The following CENPT variants were observed in gnomAD, a reference collection of about 807,000 sequenced individuals.
The protein encoded by CENPT is interphase centromere complex protein 22.
A neutral mutation model predicts 59.7 loss-of-function variants in CENPT; 42 were observed. That is an observed-to-expected ratio of 0.70 (90% CI 0.55 to 0.91). The LOEUF is 0.91. Ranked by LOEUF, CENPT falls within the 40% of genes least tolerant of loss-of-function variation. The pLI is 0.00. For synonymous variants in CENPT, 295 were observed against 289.6 expected, an observed-to-expected ratio of 1.02 and a Z score of -0.19; for missense variants, 716 against 713.4, an observed-to-expected ratio of 1.00 and a Z score of -0.04.
At position 67,847,449 on chromosome 16, in the gene CENPT, C is replaced by T. The variant is rs1157684292; in HGVS notation, c.-540G>A. ...AGCGCCACCCGGCCCGCTCCAGAGT[C>T]AGCATGGGTAAGGGCGCCCGCCTGC... On this transcript the variant is annotated 5_prime_UTR_variant, in exon 1 of 16. Coordinates refer to ENST00000562787, the MANE Select transcript of CENPT (RefSeq NM_025082.4). 2 of 152,346 alleles carry T rather than the reference C, an allele frequency of 1.3e-5. No individual in the cohort carries two copies. Among genetic ancestry groups the T allele is most frequent in the Admixed American group, 6.5e-5 (1 of 15,290 alleles). The allele number at this position is 152,346 out of a possible 1,614,324, so 9.4% of individuals were successfully genotyped here.
intron 1 of CENPT, among the ~76,000 whole-genome samples, chr16:67,844,642 G>C (rs1021730422): frequency 4.6e-5 from 7 of 152,198 alleles, no homozygotes. Context: ...GAGCTAGCCA[G>C]GGCTGCTTCA....
Position 67,831,719 on chromosome 16 carries a change from G to A in CENPT, c.523+35C>T, listed in dbSNP as rs375155332. The A allele has an allele frequency of 4.1e-5, 65 of 1,587,328 alleles. 1 individual carries two copies. In the South Asian group the frequency reaches 7.1e-4, roughly 17 times the overall value. The stretch of plus-strand genomic sequence containing the variant: ...CCTCAGCCTCTCCAGAGGACAGGAG[G>A]GAGAGGGTAGCAAAAGTGGTGTCCA... On this transcript the variant is annotated intron_variant, in intron 8 of 15. Transcript: ENST00000562787.
At chr16:67,836,064 GTTTT>G in intron 1 of CENPT, among the ~76,000 whole-genome samples, 1 of 146,564 alleles carries the variant, frequency 6.8e-6, no homozygotes, top group Non-Finnish European at 1.5e-5. Flanking sequence ...TTTTGTTTTT[GTTTT>G]TTGTTTTTTG....
rs1378613103 is a variant in CENPT, at chr16:67,842,938, G to A, written c.-492+4463C>T. On this transcript the variant is annotated intron_variant, in intron 1 of 15. Transcript: ENST00000562787. The surrounding 1 kb of genome is among the most constrained non-coding windows in gnomAD (Gnocchi z 4.9). ...AGCAGCAACAGCAGCAGCAGCAGCA[G>A]CAGCAGCAGCAGTCCTCACCCTCTG... 21 of 1,607,648 alleles carry A rather than the reference G, an allele frequency of 1.3e-5. No homozygotes were observed. Among genetic ancestry groups the A allele is most frequent in the Non-Finnish European group, 1.8e-5 (21 of 1,177,746 alleles).
Position 67,843,390 on chromosome 16 carries a change from A to G in CENPT, c.-492+4011T>C. ...ATGGAAGTGAAGATGAAAGAGATGA[A>G]AGGCAGCATTCGCCACCTGCGTCTC... is the stretch of plus-strand genomic sequence containing the variant. On this transcript the variant is annotated intron_variant, in intron 1 of 15. Transcript: ENST00000562787. This position sits in a 1 kb window ranked among gnomAD's most constrained non-coding sequence, Gnocchi z 5.7. The G allele has an allele frequency of 6.2e-7, 1 of 1,614,032 alleles. No individual in the cohort carries two copies. Among genetic ancestry groups the G allele is most frequent in the Non-Finnish European group, 8.5e-7 (1 of 1,180,036 alleles).
rs776907547 is a variant in CENPT, at chr16:67,828,702, G to A, written c.1422C>T (p.Pro474=). The change falls in exon 14 of 16, where the codon CCC becomes CCT. Residue 474 remains proline, a synonymous_variant. Transcript: ENST00000562787. ...CCATCTCAAGAGCCTTCCTCTCCAT[G>A]GGCATCTTGGCATAGAAGCTAAAGA... ...VKLFSFYAKM[P]MERKALEMVE... 6.2e-7 allele frequency: 1 copy of A among 1,614,132 alleles called. No individual in the cohort carries two copies. The highest frequency in any genetic ancestry group is 8.5e-7 in the Non-Finnish European group (1 of 1,180,036).
intron 1 of CENPT, among the ~76,000 whole-genome samples, chr16:67,836,023 G>C (rs1396391618): frequency 6.6e-6 from 1 of 151,772 alleles, no homozygotes; most frequent in African/African-American, 2.4e-5. Context: ...GATTACAGGC[G>C]TGAGCCATGG....
At chr16:67,832,827 G>A (rs1459831416) in intron 4 of CENPT, among the ~76,000 whole-genome samples, 1 of 152,142 alleles carries the variant, frequency 6.6e-6, no homozygotes, top group Non-Finnish European at 1.5e-5. Flanking sequence ...GAATCACAAA[G>A]GATAAGTAGG....
chr16:67,844,174 T>A (rs1951069523), intron 1 of CENPT: 1 of 166,694 alleles, frequency 6.0e-6, no homozygotes, highest in African/African-American at 2.4e-5. Flanking sequence ...CAAAACAAAT[T>A]AAACAAAAAG....
chr16:67,830,558 G>A lies in CENPT; in HGVS notation c.704-10C>T, dbSNP rs1244212615. On this transcript the variant is annotated splice_polypyrimidine_tract_variant and intron_variant, in intron 10 of 15. Transcript: ENST00000562787. ...TCCTCCAACACAATGTCTGTGGGCA[G>A]AGTAGTAACAGGTTCTGAGGCTGTC... 9.9e-6 allele frequency: 16 copies of A among 1,613,244 alleles called. No individual in the cohort carries two copies. The Admixed American group carries it at 2.7e-4, about 27-fold the overall frequency.
rs61744532 is a variant in CENPT at position 67,829,810 on chromosome 16, C to T, written c.1141G>A (p.Gly381Arg). ...TCATCCCCTGAAGATGCTCCTGGCC[C>T]GTCAGCCTCAGCAGTCCCCTGGGAT... is the stretch of plus-strand genomic sequence containing the variant. ...EGSQGTAEAD[G>R]PGASSGDEDA... The change falls in exon 12 of 16, where the codon GGG becomes AGG. Residue 381 changes from glycine (G) to arginine (R), a missense_variant. Transcript: ENST00000562787. 2,452 of 1,614,220 alleles carry T rather than the reference C, an allele frequency of 1.5e-3. 4 individuals are homozygous for T. The highest frequency in any genetic ancestry group is 1.9e-3 in the Non-Finnish European group (2,240 of 1,180,024).
chr16:67,832,656 G>A (rs1232645709), intron 4 of CENPT, 111 bp from the exon 5 acceptor site: 3 of 937,906 alleles, frequency 3.2e-6, no homozygotes, highest in Non-Finnish European at 4.8e-6. Context: ...CTCAGGGCTA[G>A]GGACCCAGAA....
At chr16:67,831,008 G>A in intron 10 of CENPT, 1 of 673,026 alleles carries the variant, frequency 1.5e-6, no homozygotes, top group Non-Finnish European at 2.5e-6. Flanking sequence ...ATAGTCTAAG[G>A]ATATGGGGCC....
rs1166660790 is a variant in CENPT at position 67,833,863 on chromosome 16, C to T, written c.-4G>A. On this transcript the variant is annotated 5_prime_UTR_variant, in exon 4 of 16. Coordinates refer to ENST00000562787, the MANE Select transcript of CENPT (RefSeq NM_025082.4). Reference sequence around the variant, plus strand: ...TGTCAGGGTTGTGGTCAGCCATCGTCTCGGCCCCGGGCCCTCCTAACCGCC... The same window carrying T: ...TGTCAGGGTTGTGGTCAGCCATCGTTTCGGCCCCGGGCCCTCCTAACCGCC... 1 of 1,525,700 alleles carries T rather than the reference C, an allele frequency of 6.6e-7. No individual in the cohort carries two copies. The highest frequency in any genetic ancestry group is 8.8e-7 in the Non-Finnish European group (1 of 1,139,660). 94.5% of individuals were successfully genotyped at this position (1,525,700 alleles called of 1,614,324 possible). A position where few individuals can be genotyped will look rare whatever the true frequency, so the allele number is the denominator to read the frequency against.
rs28434205 is a variant in CENPT at position 67,842,902 on chromosome 16, A to C, written c.-492+4499T>G. 15 of 1,583,074 alleles carry C rather than the reference A, an allele frequency of 9.5e-6. No homozygotes were observed. The highest frequency in any genetic ancestry group is 1.2e-5 in the Non-Finnish European group (14 of 1,165,848). ...AGCAGCAGCAGCAGCAACAGCAGCA[A>C]CAGCAGCAGCAGCAGCAACAGCAGC... On this transcript the variant is annotated intron_variant, in intron 1 of 15. Transcript: ENST00000562787. This position sits in a 1 kb window ranked among gnomAD's most constrained non-coding sequence, Gnocchi z 4.9.
Position 67,843,617 on chromosome 16 carries a change from G to A in CENPT, c.-492+3784C>T. The A allele has an allele frequency of 9.5e-7, 1 of 1,054,132 alleles. No homozygotes were observed. 65.3% of individuals were successfully genotyped at this position (1,054,132 alleles called of 1,614,324 possible). A position where few individuals can be genotyped will look rare whatever the true frequency, so the allele number is the denominator to read the frequency against. ...GTTGACAGTACTGAGGCTTAAGGCA[G>A]CTGGACTCTCTTGCTGGTGACCTGG... On this transcript the variant is annotated intron_variant, in intron 1 of 15. Coordinates refer to ENST00000562787, the MANE Select transcript of CENPT (RefSeq NM_025082.4). The surrounding 1 kb of genome is among the most constrained non-coding windows in gnomAD (Gnocchi z 5.7).
chr16:67,829,314 C>G, intron 13 of CENPT, 109 bp downstream of exon 13: 2 of 872,102 alleles, frequency 2.3e-6, no homozygotes, highest in Non-Finnish European at 3.4e-6. Flanking sequence ...AGCTGCCCTG[C>G]TGGGTAATCA....
In CENPT at chr16:67,832,048, G is replaced by T; in HGVS notation, c.350C>A (p.Ala117Glu). 1 of 1,610,500 alleles carries T rather than the reference G, an allele frequency of 6.2e-7. No homozygotes were observed. Among genetic ancestry groups the T allele is most frequent in the East Asian group, 2.2e-5 (1 of 44,794 alleles). The change falls in exon 7 of 16, where the codon GCG becomes GAG. Residue 117 changes from alanine (A) to glutamate (E), a missense_variant. By Grantham distance (107) the Ala-to-Glu change is moderately radical. Coordinates refer to ENST00000562787, the MANE Select transcript of CENPT (RefSeq NM_025082.4). ...SVVKPVPAPQ[A>E]VQPSRQESSC... Reference sequence around the variant, plus strand: ...GCTCTCTTGTCTGGAGGGTTGGACCGCCTGCGGTGCTGGCACTGGCTTCAC... The same window carrying T: ...GCTCTCTTGTCTGGAGGGTTGGACCTCCTGCGGTGCTGGCACTGGCTTCAC...
At chr16:67,828,611 C>T (rs1205676564) in intron 14 of CENPT, 33 bp from the exon 15 acceptor site, 1 of 1,613,734 alleles carries the variant, frequency 6.2e-7, no homozygotes, top group African/African-American at 1.3e-5. Context: ...GCAGGCTGAA[C>T]AGTCTGATCA....
Sources: allele counts gnomAD v4.1 joint callset (sites outside exome capture counted in the v4.1 genomes callset), GRCh38; gene constraint gnomAD v4.1.1; non-coding constraint Gnocchi (gnomAD v3.1); transcripts MANE v1.5; gene names NCBI Gene and HGNC (gene_info 2026-07-23, HGNC 2026-07-21).